Variants in NXN observed in about 807,000 individuals in gnomAD.
The protein encoded by NXN is nucleoredoxin 1.
Under a neutral mutation model 48.6 loss-of-function variants are expected in NXN, and 16 were observed. The ratio of observed to expected loss-of-function variants is 0.33; its 90% CI spans 0.22 to 0.50. The LOEUF (loss-of-function observed/expected upper bound fraction) is 0.50. Among genes scored for constraint, NXN ranks in the 20% least tolerant of loss-of-function variants. NXN has a pLI of 0.98. For missense variants in NXN, 492 were observed against 605.5 expected, an observed-to-expected ratio of 0.81 and a Z score of 1.97; for synonymous variants, 281 against 269.6, an observed-to-expected ratio of 1.04 and a Z score of -0.41.
chr17:825,097 G>A lies in NXN; in HGVS notation c.478+864C>T, dbSNP rs1441896189. 7.2e-5 allele frequency among the ~76,000 whole-genome samples: 11 copies of A among 152,182 alleles called. No individual in the cohort carries two copies. In the South Asian group the frequency reaches 2.1e-3, roughly 29 times the overall value. On this transcript the variant is annotated intron_variant, in intron 2 of 7. Coordinates refer to ENST00000336868, the MANE Select transcript of NXN (RefSeq NM_022463.5). The surrounding 1 kb of genome is among the most constrained non-coding windows in gnomAD (Gnocchi z 4.1). ...TAATAAAAAATTAGCTGGGTGTGGCGGTGCACGCCAGTAGTCCCAGCTACA... is the reference window on the plus strand; with the variant it reads ...TAATAAAAAATTAGCTGGGTGTGGCAGTGCACGCCAGTAGTCCCAGCTACA...
At chr17:844,726 A>G (rs1415839464) in intron 1 of NXN, among the ~76,000 whole-genome samples, 1 of 152,066 alleles carries the variant, frequency 6.6e-6, no homozygotes, top group African/African-American at 2.4e-5. Flanking sequence ...CTGGGATTAC[A>G]GGCACCTGCC....
At chr17:948,710 G>A (rs928807956) in intron 1 of NXN, among the ~76,000 whole-genome samples, 6 of 151,846 alleles carry the variant, frequency 4.0e-5, no homozygotes, top group South Asian at 2.1e-4. Context: ...CCTCACCCCG[G>A]CCCGTCCCGC....
chr17:820,233 T>C (rs150705016), intron 4 of NXN, among the ~76,000 whole-genome samples: 12,053 of 152,292 alleles, frequency 0.079, 614 homozygotes, highest in Middle Eastern at 0.13. Context: ...GTACGTACAT[T>C]GGTCAGCTGA....
chr17:957,513 T>C (rs113875804), intron 1 of NXN, among the ~76,000 whole-genome samples: 6 of 151,932 alleles, frequency 3.9e-5, no homozygotes, highest in Middle Eastern at 6.8e-3. Flanking sequence ...ACGCCTGTAG[T>C]CCCAGCTACT....
In NXN at chr17:855,931, G is replaced by T. The variant is rs566257071; in HGVS notation, c.361-29853C>A. ...CAATCTAGGCCGGGTGCCGTGGCTC[G>T]CACCTGTAATCCCAGCACTTTGGGA... On this transcript the variant is annotated intron_variant, in intron 1 of 7. Coordinates refer to ENST00000336868, the MANE Select transcript of NXN (RefSeq NM_022463.5). Among the ~76,000 whole-genome samples, 9 of 152,122 alleles carry T rather than the reference G, an allele frequency of 5.9e-5. No individual in the cohort carries two copies. In the East Asian group the frequency reaches 1.7e-3, roughly 29 times the overall value.
chr17:972,459 C>G (rs1231635174), intron 1 of NXN, among the ~76,000 whole-genome samples: 1 of 151,556 alleles, frequency 6.6e-6, no homozygotes, highest in Non-Finnish European at 1.5e-5. Flanking sequence ...CCTGGCAGAG[C>G]GAGACTCCAT....
intron 1 of NXN, among the ~76,000 whole-genome samples, chr17:974,829 ATTTATTTAT>A (rs1334463396): frequency 2.6e-5 from 4 of 151,902 alleles, no homozygotes; most frequent in South Asian, 2.1e-4. Context: ...TTATTTATTT[ATTTATTTAT>A]TTATTTAATA....
intron 1 of NXN, chr17:930,068 A>G (rs906778075): frequency 6.6e-6 from 1 of 152,000 alleles, no homozygotes; most frequent in Non-Finnish European, 1.5e-5. Context: ...TGTGTAGCCG[A>G]CCCAGAGAAC....
At chr17:899,713 G>A (rs531394310) in intron 1 of NXN, among the ~76,000 whole-genome samples, 45 of 152,234 alleles carry the variant, frequency 3.0e-4, no homozygotes, top group Admixed American at 9.8e-4. Context: ...TTCCTGCAGG[G>A]AGGGTCTTGC....
chr17:926,026 T>A (rs1177861635), intron 1 of NXN, among the ~76,000 whole-genome samples: 1 of 152,224 alleles, frequency 6.6e-6, no homozygotes, highest in Non-Finnish European at 1.5e-5. Context: ...AAAGAAAGTT[T>A]TAATGACTTA....
At chr17:857,130 G>A (rs532167136) in intron 1 of NXN, among the ~76,000 whole-genome samples, 20 of 152,340 alleles carry the variant, frequency 1.3e-4, no homozygotes, top group African/African-American at 4.3e-4. Context: ...TCTCTCAGTT[G>A]TGGTGGGTGG....
chr17:963,582 A>G (rs952551364), intron 1 of NXN, among the ~76,000 whole-genome samples: 2 of 152,148 alleles, frequency 1.3e-5, no homozygotes, highest in Admixed American at 1.3e-4. Flanking sequence ...ACCCTGGGTG[A>G]CAGAACAAGA....
chr17:965,646 T>A (rs2069293544), intron 1 of NXN, among the ~76,000 whole-genome samples: 1 of 152,064 alleles, frequency 6.6e-6, no homozygotes, highest in South Asian at 2.1e-4. Context: ...TCTAGCGGCA[T>A]AACCCCCCAA....
chr17:809,136 G>A (rs933525918), intron 5 of NXN, among the ~76,000 whole-genome samples: 17 of 152,222 alleles, frequency 1.1e-4, no homozygotes, highest in Admixed American at 7.2e-4. Flanking sequence ...TGTCAAGACC[G>A]TGGTGAGGGT....
At chr17:936,091 C>CAAAAAAAA in intron 1 of NXN, among the ~76,000 whole-genome samples, 1 of 61,812 alleles carries the variant, frequency 1.6e-5, no homozygotes, top group African/African-American at 6.5e-5. Flanking sequence ...GATTCCATCT[C>CAAAAAAAA]AAAAAAAAAA....
intron 1 of NXN, among the ~76,000 whole-genome samples, chr17:924,588 T>G (rs2068780504): frequency 6.6e-6 from 1 of 152,222 alleles, no homozygotes; most frequent in African/African-American, 2.4e-5. Flanking sequence ...AATGTCCTAT[T>G]TCAAGTGTGT....
intron 1 of NXN, among the ~76,000 whole-genome samples, chr17:955,162 CTT>C (rs749641262): frequency 4.0e-5 from 5 of 125,186 alleles, no homozygotes; most frequent in African/African-American, 9.5e-5. Context: ...TCATCTCTTT[CTT>C]TTTTTTTTTT....
chr17:845,214 C>T (rs938338124), intron 1 of NXN, among the ~76,000 whole-genome samples: 1 of 151,756 alleles, frequency 6.6e-6, no homozygotes, highest in African/African-American at 2.4e-5. Flanking sequence ...GAGAATTCCA[C>T]CCTTCTAGAG....
intron 1 of NXN, among the ~76,000 whole-genome samples, chr17:965,223 G>A (rs148250035): frequency 1.1e-3 from 168 of 152,270 alleles, no homozygotes; most frequent in African/African-American, 3.7e-3. Flanking sequence ...TCACTTAACC[G>A]TCATCCGTGA....
Sources: gnomAD v4.1 joint callset for allele counts (sites outside exome capture counted in the v4.1 genomes callset) on GRCh38, gnomAD v4.1.1 for gene constraint, Gnocchi (gnomAD v3.1) non-coding constraint, MANE v1.5 for transcripts, NCBI Gene and HGNC (gene_info 2026-07-23, HGNC 2026-07-21) for gene names.